Variants in SYPL1 observed in about 807,000 individuals in gnomAD.
SYPL1 encodes synaptophysin like 1.
Under a neutral mutation model 23.7 loss-of-function variants are expected in SYPL1, and 6 were observed. That is an observed-to-expected ratio of 0.25 (90% CI 0.14 to 0.50). The LOEUF is 0.50. Among genes scored for constraint, SYPL1 ranks in the 20% least tolerant of loss-of-function variants. The probability of loss-of-function intolerance (pLI) is 0.98; values close to 1 mark genes in which losing one functional copy is unlikely to be tolerated. For missense variants in SYPL1, 253 were observed against 288.9 expected, an observed-to-expected ratio of 0.88 and a Z score of 0.90; for synonymous variants, 102 against 104.5, an observed-to-expected ratio of 0.98 and a Z score of 0.15.
rs538418857 is a variant in SYPL1, at chr7:106,105,686, T to C, written c.70-6404A>G. Among the ~76,000 whole-genome samples the C allele has an allele frequency of 8.5e-5, 13 of 152,152 alleles. No individual in the cohort carries two copies. The East Asian group carries it at 1.7e-3, about 20-fold the overall frequency. On this transcript the variant is annotated intron_variant, in intron 1 of 4. Transcript: ENST00000455385. ...ACTTAAATAAGGAATTGAAGCTTTA[T>C]TGCAATTAATATACCACTGAAACCC...
chr7:106,112,368 G>GGA, upstream of SYPL1: 5 of 1,286,854 alleles, frequency 3.9e-6, no homozygotes, highest in Non-Finnish European at 4.9e-6. Flanking sequence ...GGGGCGGAGC[G>GGA]GCGGCGGTTG....
At chr7:106,105,871 T>C (rs1435006269) in intron 1 of SYPL1, among the ~76,000 whole-genome samples, 1 of 152,184 alleles carries the variant, frequency 6.6e-6, no homozygotes, top group Admixed American at 6.5e-5. Flanking sequence ...CCTGGATTTA[T>C]GGAATAATTT....
chr7:106,093,345 A>C (rs1370350723), intron 3 of SYPL1: 1 of 471,208 alleles, frequency 2.1e-6, no homozygotes, highest in Non-Finnish European at 3.7e-6. Flanking sequence ...AGTAAATAAG[A>C]CTCAGTCATC....
rs117650939 is a variant in SYPL1, at chr7:106,097,929, T to G, written c.195-32A>C. 32,819 of 1,555,620 alleles carry G rather than the reference T, an allele frequency of 0.021. 420 individuals carry two copies. Among genetic ancestry groups the G allele is most frequent in the Middle Eastern group, 0.059 (345 of 5,878 alleles). ...AAATAAATGTATGAATTATTGGACTTTCCCAACAGAGACAGAAACATTTAA... is the reference window on the plus strand; with the variant it reads ...AAATAAATGTATGAATTATTGGACTGTCCCAACAGAGACAGAAACATTTAA... On this transcript the variant is annotated intron_variant, in intron 2 of 4. Transcript: ENST00000455385. This position sits in a 1 kb window ranked among gnomAD's most constrained non-coding sequence, Gnocchi z 4.6.
chr7:106,106,165 TACTA>T (rs1252322778), intron 1 of SYPL1, among the ~76,000 whole-genome samples: 8 of 152,204 alleles, frequency 5.3e-5, no homozygotes, highest in African/African-American at 1.9e-4. Context: ...TACCTTAAGA[TACTA>T]ACTGACATAG....
chr7:106,110,983 G>C (rs1790115494), intron 1 of SYPL1, among the ~76,000 whole-genome samples: 1 of 151,966 alleles, frequency 6.6e-6, no homozygotes, highest in African/African-American at 2.4e-5. Flanking sequence ...TCTGGACTTA[G>C]GTTTAAAAAA....
At position 106,091,620 on chromosome 7, in the gene SYPL1, A is replaced by G. The variant is rs1839732646; in HGVS notation, c.*185T>C. The stretch of plus-strand genomic sequence containing the variant: ...CTGAACTTTCAAATTTACATGTGAG[A>G]ATACATTTACATCTTAACTTTCTAG... On this transcript the variant is annotated 3_prime_UTR_variant, in exon 5 of 5. Coordinates refer to ENST00000455385, the MANE Select transcript of SYPL1 (RefSeq NM_182715.4). The surrounding 1 kb of genome is among the most constrained non-coding windows in gnomAD (Gnocchi z 5.0). 1.9e-6 allele frequency: 1 copy of G among 531,036 alleles called. No homozygotes were observed. Among genetic ancestry groups the G allele is most frequent in the South Asian group, 4.5e-5 (1 of 22,038 alleles). 32.9% of individuals were successfully genotyped at this position (531,036 alleles called of 1,614,324 possible).
At chr7:106,112,573 A>G (rs758682523), upstream of SYPL1, 14 of 1,485,408 alleles carry the variant, frequency 9.4e-6, no homozygotes, top group African/African-American at 1.5e-5. Flanking sequence ...AGCCCCTGGC[A>G]CTCGGTCTTC....
rs573778771 is a variant in SYPL1, at chr7:106,104,122, A to G, written c.70-4840T>C. Among the ~76,000 whole-genome samples the G allele has an allele frequency of 5.9e-5, 9 of 152,316 alleles. No individual in the cohort carries two copies. The South Asian group carries it at 1.0e-3, about 18-fold the overall frequency. ...GGAATGCCCTGTCTCTGATTAGCTCATCTTTTAAGGCCCTACCCAATTCCC... is the reference window on the plus strand; with the variant it reads ...GGAATGCCCTGTCTCTGATTAGCTCGTCTTTTAAGGCCCTACCCAATTCCC... On this transcript the variant is annotated intron_variant, in intron 1 of 4. Coordinates refer to ENST00000455385, the MANE Select transcript of SYPL1 (RefSeq NM_182715.4). The surrounding 1 kb of genome is among the most constrained non-coding windows in gnomAD (Gnocchi z 4.1).
chr7:106,102,450 G>A (rs966846257), intron 1 of SYPL1, among the ~76,000 whole-genome samples: 1 of 152,230 alleles, frequency 6.6e-6, no homozygotes. Flanking sequence ...CTCATTCTCC[G>A]GGGGAAGCCA....
chr7:106,092,924 A>G lies in SYPL1; in HGVS notation c.591+25T>C. On this transcript the variant is annotated intron_variant, in intron 4 of 4. Transcript: ENST00000455385. ...ACTTTAAACAAATATATGAAAGAAA[A>G]AAATTATAAATAATGCATACATACC... is the stretch of plus-strand genomic sequence containing the variant. 4.0e-6 allele frequency: 6 copies of G among 1,498,660 alleles called. No homozygotes were observed. The South Asian group carries it at 4.1e-5, about 10-fold the overall frequency. The allele number at this position is 1,498,660 out of a possible 1,614,324, so 92.8% of individuals were successfully genotyped here.
rs774478348 is a variant in SYPL1 at position 106,091,827 on chromosome 7, A to T, written c.704T>A (p.Ile235Asn). The T allele has an allele frequency of 1.3e-5, 21 of 1,612,760 alleles. 1 individual carries two copies. The Middle Eastern group carries it at 1.3e-3, about 101-fold the overall frequency. ...TAATTATATTCCGGTAGGAGGTGGA[A>T]TACCTCCTTGGCTATGAGGGGCAGA... ...NTSAPHSQGG[I>N]PPPTGI Residue 235 changes from isoleucine (I) to asparagine (N), a missense_variant, in exon 5 of 5, where the codon ATT becomes AAT. Coordinates refer to ENST00000455385, the MANE Select transcript of SYPL1 (RefSeq NM_182715.4). This position sits in a 1 kb window ranked among gnomAD's most constrained non-coding sequence, Gnocchi z 5.0.
intron 1 of SYPL1, among the ~76,000 whole-genome samples, chr7:106,106,219 C>T (rs1840589938): frequency 6.6e-6 from 1 of 152,156 alleles, no homozygotes; most frequent in Non-Finnish European, 1.5e-5. Flanking sequence ...TATTGTGGCT[C>T]TGTCCATAAA....
intron 1 of SYPL1, among the ~76,000 whole-genome samples, chr7:106,105,786 T>A (rs572534802): frequency 6.6e-6 from 1 of 152,178 alleles, no homozygotes. Context: ...GGGAATCTCA[T>A]ACATGGAAGG....
intron 2 of SYPL1, 70 bp downstream of exon 2, chr7:106,099,088 G>T: frequency 6.5e-7 from 1 of 1,546,692 alleles, no homozygotes; most frequent in South Asian, 1.2e-5. Context: ...TCAATAAATT[G>T]CTGGAAATCT....
At chr7:106,101,170 CTCTGT>C (rs1335563080) in intron 1 of SYPL1, among the ~76,000 whole-genome samples, 2 of 152,180 alleles carry the variant, frequency 1.3e-5, no homozygotes, top group Non-Finnish European at 2.9e-5. Flanking sequence ...TCTATTTCTG[CTCTGT>C]TCTAATTACC....
In SYPL1 at chr7:106,096,295, T is replaced by C. The variant is rs917612288; in HGVS notation, c.402+1395A>G. ...TAAAAGACTGTTGTATTACTTACCA[T>C]TTCCATTCTTATGATCCAGCAGCAA... On this transcript the variant is annotated intron_variant, in intron 3 of 4. Coordinates refer to ENST00000455385, the MANE Select transcript of SYPL1 (RefSeq NM_182715.4). The surrounding 1 kb of genome is among the most constrained non-coding windows in gnomAD (Gnocchi z 4.4). The C allele has an allele frequency of 2.0e-5, 3 of 152,170 alleles. No individual in the cohort carries two copies. The highest frequency in any genetic ancestry group is 1.3e-4 in the Admixed American group (2 of 15,272). The allele number at this position is 152,170 out of a possible 1,614,324, so 9.4% of individuals were successfully genotyped here.
chr7:106,105,225 G>A (rs991563365), intron 1 of SYPL1, among the ~76,000 whole-genome samples: 2 of 151,948 alleles, frequency 1.3e-5, no homozygotes, highest in Non-Finnish European at 2.9e-5. Context: ...TTACTTTAGA[G>A]GGTGGTTCCT....
chr7:106,099,495 G>A (rs560637216), intron 1 of SYPL1, among the ~76,000 whole-genome samples: 4 of 152,156 alleles, frequency 2.6e-5, no homozygotes, highest in African/African-American at 9.6e-5. Context: ...AGGCTCAAGT[G>A]ATCCTCCCAC....
Sources: allele counts gnomAD v4.1 joint callset (sites outside exome capture counted in the v4.1 genomes callset), GRCh38; gene constraint gnomAD v4.1.1; non-coding constraint Gnocchi (gnomAD v3.1); transcripts MANE v1.5; gene names NCBI Gene and HGNC (gene_info 2026-07-23, HGNC 2026-07-21).